The following DPEP1 variants were observed in gnomAD, a reference collection of about 807,000 sequenced individuals.
The protein encoded by DPEP1 is beta-lactamase.
In DPEP1, 50 loss-of-function variants were observed where a neutral mutation model predicts 42.3. That is an observed-to-expected ratio of 1.18 (90% CI 0.94 to 1.50). The LOEUF (loss-of-function observed/expected upper bound fraction) is 1.50, where lower values mean the gene tolerates loss of function less well. DPEP1 is among the 40% of genes most tolerant of loss of function. The probability of loss-of-function intolerance (pLI) is 0.00; values close to 1 mark genes in which losing one functional copy is unlikely to be tolerated. For missense variants in DPEP1, 663 were observed against 553.0 expected, an observed-to-expected ratio of 1.20 and a Z score of -1.99; for synonymous variants, 297 against 234.0, an observed-to-expected ratio of 1.27 and a Z score of -2.46.
downstream of DPEP1, among the ~76,000 whole-genome samples, chr16:89,640,858 C>T (rs929000664): frequency 3.9e-5 from 6 of 152,226 alleles, no homozygotes; most frequent in African/African-American, 1.4e-4. Flanking sequence ...ACCACTACCA[C>T]CTGGACGCGG....
chr16:89,637,788 G>A, intron 9 of DPEP1, 48 bp from the exon 10 acceptor site: 1 of 1,612,616 alleles, frequency 6.2e-7, no homozygotes, highest in Non-Finnish European at 8.5e-7. Flanking sequence ...CTGGAGGAGG[G>A]ACCTGTGTCC....
chr16:89,625,456 A>G (rs2059498606), intron 1 of DPEP1, among the ~76,000 whole-genome samples: 1 of 152,190 alleles, frequency 6.6e-6, no homozygotes, highest in Non-Finnish European at 1.5e-5. Flanking sequence ...CCCAACTGGG[A>G]TCCAGTTTCC....
In DPEP1 at chr16:89,636,954, G is replaced by C; in HGVS notation, c.591+19G>C. On this transcript the variant is annotated intron_variant, in intron 6 of 10. Transcript: ENST00000690203. ...TGGGCAGGTGAGTGGGGTGGGAGCG[G>C]CCAGTCACCCCCGAGGAGAAGGCAG... 6.2e-7 allele frequency: 1 copy of C among 1,611,402 alleles called. No individual in the cohort carries two copies. The highest frequency in any genetic ancestry group is 8.5e-7 in the Non-Finnish European group (1 of 1,179,616).
chr16:89,625,458 C>T (rs1367689233), intron 1 of DPEP1, among the ~76,000 whole-genome samples: 1 of 152,174 alleles, frequency 6.6e-6, no homozygotes, highest in East Asian at 1.9e-4. Context: ...CAACTGGGAT[C>T]CAGTTTCCAC....
intron 2 of DPEP1, among the ~76,000 whole-genome samples, chr16:89,631,559 G>A (rs2059589267): frequency 6.6e-6 from 1 of 152,182 alleles, no homozygotes; most frequent in Admixed American, 6.5e-5. Context: ...TGTCGCATAA[G>A]AACTTCAGGG....
At chr16:89,636,429 C>T (rs571482922) in intron 4 of DPEP1, 33 bp downstream of exon 4, 20 of 1,601,146 alleles carry the variant, frequency 1.2e-5, no homozygotes, top group Middle Eastern at 1.7e-4. Context: ...CCAGGTCCTG[C>T]GTCTTCTCAC....
chr16:89,618,717 C>CA (rs2059406476), intron 1 of DPEP1, among the ~76,000 whole-genome samples: 1 of 152,072 alleles, frequency 6.6e-6, no homozygotes, highest in Admixed American at 6.5e-5. Context: ...CGGCTGGTCT[C>CA]AGACTCCTGA....
chr16:89,620,333 G>T (rs927629423), intron 1 of DPEP1, among the ~76,000 whole-genome samples: 1 of 152,064 alleles, frequency 6.6e-6, no homozygotes, highest in Non-Finnish European at 1.5e-5. Flanking sequence ...GACTCTCTGG[G>T]CTCGTTGGGC....
At chr16:89,613,430 A>C (rs1454940837), upstream of DPEP1, 2 of 152,236 alleles carry the variant, frequency 1.3e-5, no homozygotes, top group Non-Finnish European at 2.9e-5. Flanking sequence ...CATCTCCTGG[A>C]GCAAAGTTCC....
In DPEP1 at chr16:89,637,465, C is replaced by G; in HGVS notation, c.769-3C>G. The G allele has an allele frequency of 6.2e-7, 1 of 1,612,812 alleles. No individual in the cohort carries two copies. Among genetic ancestry groups the G allele is most frequent in the South Asian group, 1.1e-5 (1 of 91,090 alleles). ...GCTTCACCCTGTCTTCCTTCTTGTG[C>G]AGAAACAGACAGACAGCCTGGTGAT... On this transcript the variant is annotated splice_region_variant and splice_polypyrimidine_tract_variant and intron_variant, in intron 7 of 10. Transcript: ENST00000690203.
At chr16:89,628,512 C>T (rs2059546279) in intron 1 of DPEP1, among the ~76,000 whole-genome samples, 1 of 152,060 alleles carries the variant, frequency 6.6e-6, no homozygotes, top group Non-Finnish European at 1.5e-5. Flanking sequence ...CCCGCCTCAG[C>T]CTCCCACAGT....
intron 6 of DPEP1, 86 bp downstream of exon 6, chr16:89,637,021 G>T (rs1386028719): frequency 9.0e-6 from 14 of 1,561,728 alleles, no homozygotes; most frequent in Admixed American, 3.5e-5. Flanking sequence ...TCCTCACGTG[G>T]GACCTCAGTG....
At chr16:89,618,258 C>A (rs930552407) in intron 1 of DPEP1, among the ~76,000 whole-genome samples, 1 of 152,030 alleles carries the variant, frequency 6.6e-6, no homozygotes, top group Non-Finnish European at 1.5e-5. Flanking sequence ...GCTCTGTCAC[C>A]CGGGCTGGAG....
chr16:89,629,846 C>T (rs540476860), intron 1 of DPEP1, among the ~76,000 whole-genome samples: 1 of 152,334 alleles, frequency 6.6e-6, no homozygotes, highest in East Asian at 1.9e-4. Context: ...CAGGGGCACA[C>T]CTGGCTGTGC....
At chr16:89,621,998 T>G (rs1260182653) in intron 1 of DPEP1, among the ~76,000 whole-genome samples, 1 of 152,126 alleles carries the variant, frequency 6.6e-6, no homozygotes, top group African/African-American at 2.4e-5. Context: ...GAGACAGAGC[T>G]GGGTGGAAAC....
intron 2 of DPEP1, among the ~76,000 whole-genome samples, chr16:89,634,199 C>T (rs2059629562): frequency 6.6e-6 from 1 of 150,674 alleles, no homozygotes; most frequent in Non-Finnish European, 1.5e-5. Context: ...TGCCATTGTC[C>T]TGCCTCAGCC....
Position 89,636,306 on chromosome 16 carries a change from G to A in DPEP1, c.280G>A (p.Ala94Thr), listed in dbSNP as rs548075315. 3.7e-5 allele frequency: 59 copies of A among 1,612,080 alleles called. No individual in the cohort carries two copies. The Middle Eastern group carries it at 3.0e-3, about 81-fold the overall frequency. Residue 94 changes from alanine to threonine, a missense_variant, in exon 4 of 11, where the codon GCC becomes ACC. By Grantham distance (58) the Ala-to-Thr change is moderately conservative (BLOSUM62 0). Coordinates refer to ENST00000690203, the MANE Select transcript of DPEP1 (RefSeq NM_001389466.1). ...YTPCDTQNKD[A>T]VRRTLEQMDV... ...GCCCTGCGACACCCAGAACAAAGAC[G>A]CCGTGCGGAGGACGCTGGAGCAGAT...
At chr16:89,636,502 C>T in intron 4 of DPEP1, 31 bp from the exon 5 acceptor site, 2 of 1,605,422 alleles carry the variant, frequency 1.2e-6, no homozygotes, top group Non-Finnish European at 1.7e-6. Context: ...TACCAGGTGC[C>T]CACTCCCCTG....
chr16:89,624,457 A>C (rs2059482084), intron 1 of DPEP1, among the ~76,000 whole-genome samples: 2 of 152,162 alleles, frequency 1.3e-5, no homozygotes, highest in Admixed American at 1.3e-4. Context: ...GAAAGAAAGC[A>C]GCGAAAGCAG....
Sources: gnomAD v4.1 joint callset for allele counts (sites outside exome capture counted in the v4.1 genomes callset) on GRCh38, gnomAD v4.1.1 for gene constraint, MANE v1.5 for transcripts, NCBI Gene and HGNC (gene_info 2026-07-23, HGNC 2026-07-21) for gene names.